CNTN5: variants seen among roughly 807,000 people sequenced by gnomAD.
The protein encoded by CNTN5 is contactin-5.
Under a neutral mutation model 129.1 loss-of-function variants are expected in CNTN5, and 77 were observed. That is an observed-to-expected ratio of 0.60 (90% CI 0.50 to 0.72). The LOEUF (loss-of-function observed/expected upper bound fraction) is 0.72. Among genes scored for constraint, CNTN5 ranks in the 30% least tolerant of loss-of-function variants. The pLI is 0.00. For synonymous variants in CNTN5, 509 were observed against 465.6 expected (o/e 1.09, Z -1.20); for missense variants, 1,478 against 1,328.8 (o/e 1.11, Z -1.75).
intron 3 of CNTN5, among the ~76,000 whole-genome samples, chr11:99,699,581 G>T (rs1251321091): frequency 6.6e-6 from 1 of 151,394 alleles, no homozygotes; most frequent in Non-Finnish European, 1.5e-5. Context: ...AAAGGCTAGG[G>T]ATAAGCCAGT....
chr11:99,055,858 T>C (rs1864604675), intron 1 of CNTN5, among the ~76,000 whole-genome samples: 1 of 152,012 alleles, frequency 6.6e-6, no homozygotes, highest in South Asian at 2.1e-4. Flanking sequence ...CATTTTTGCC[T>C]TCAGGCTCCC....
chr11:99,642,959 G>C (rs1951824286), intron 3 of CNTN5, among the ~76,000 whole-genome samples: 1 of 152,136 alleles, frequency 6.6e-6, no homozygotes, highest in South Asian at 2.1e-4. Context: ...ATTCCATTGT[G>C]TATGTATACC....
At chr11:99,939,520 A>G (rs1950388032) in intron 7 of CNTN5, among the ~76,000 whole-genome samples, 1 of 152,122 alleles carries the variant, frequency 6.6e-6, no homozygotes, top group Non-Finnish European at 1.5e-5. Context: ...AAACTCTTTT[A>G]ATGCAAACTT....
At chr11:99,369,662 G>C (rs936731727) in intron 2 of CNTN5, among the ~76,000 whole-genome samples, 2 of 151,944 alleles carry the variant, frequency 1.3e-5, no homozygotes, top group Non-Finnish European at 2.9e-5. Context: ...CCAAAGTAAT[G>C]GTAGAAAGGA....
chr11:99,920,685 A>G (rs1949914780), intron 7 of CNTN5, among the ~76,000 whole-genome samples: 1 of 152,138 alleles, frequency 6.6e-6, no homozygotes, highest in Middle Eastern at 3.2e-3. Flanking sequence ...GTCCATAGAC[A>G]ACTTCTTGCT....
At chr11:100,279,910 C>CTTTTT (rs58391412) in intron 18 of CNTN5, among the ~76,000 whole-genome samples, 17 of 114,646 alleles carry the variant, frequency 1.5e-4, no homozygotes, top group East Asian at 2.6e-4. Context: ...TTTTCTTTTT[C>CTTTTT]TTTTTTTTTT....
At chr11:99,736,126 C>A (rs1322195324) in intron 3 of CNTN5, among the ~76,000 whole-genome samples, 1 of 151,626 alleles carries the variant, frequency 6.6e-6, no homozygotes, top group South Asian at 2.1e-4. Flanking sequence ...TTCTTTTGAG[C>A]GTGGGACAAA....
rs144259683 is a variant in CNTN5, at chr11:99,814,676, G to T, written c.56-4868G>T. ...GAACTTTAACCTGGAAATGGAGGGA[G>T]TTGAGGAAATGAGAGCAGGGTGAAA... On this transcript the variant is annotated intron_variant, in intron 3 of 24. Coordinates refer to ENST00000524871, the MANE Select transcript of CNTN5 (RefSeq NM_014361.4). Among the ~76,000 whole-genome samples the T allele has an allele frequency of 3.9e-3, 597 of 152,234 alleles. 4 individuals carry two copies. The highest frequency in any genetic ancestry group is 0.013 in the African/African-American group (533 of 41,544).
chr11:99,460,694 C>A (rs548374838), intron 2 of CNTN5, among the ~76,000 whole-genome samples: 1 of 151,846 alleles, frequency 6.6e-6, no homozygotes, highest in Non-Finnish European at 1.5e-5. Flanking sequence ...AATATAAGAA[C>A]CAGTGATTTT....
chr11:99,556,593 A>ATATATG (rs1555026456), intron 3 of CNTN5, among the ~76,000 whole-genome samples: 2 of 135,338 alleles, frequency 1.5e-5, no homozygotes, highest in African/African-American at 5.4e-5. Context: ...ATATATATAT[A>ATATATG]TCTCCCACAC....
rs570674236 is a variant in CNTN5 at position 99,277,870 on chromosome 11, A to G, written c.-209-47476A>G. ...TTCTACAGAAGTATTTGTAAAACCA[A>G]GACAGGGTTTACAAAATTCCCTGGA... On this transcript the variant is annotated intron_variant, in intron 1 of 24. Transcript: ENST00000524871. 5.3e-5 allele frequency among the ~76,000 whole-genome samples: 8 copies of G among 151,834 alleles called. No individual in the cohort carries two copies. In the South Asian group the frequency reaches 1.5e-3, roughly 28 times the overall value.
intron 2 of CNTN5, among the ~76,000 whole-genome samples, chr11:99,407,095 T>C (rs1320727934): frequency 6.6e-6 from 1 of 152,158 alleles, no homozygotes; most frequent in Non-Finnish European, 1.5e-5. Context: ...CTTTACTTTT[T>C]TCCCTCTGAT....
At chr11:100,272,680 G>A (rs1183717866) in intron 18 of CNTN5, among the ~76,000 whole-genome samples, 1 of 152,148 alleles carries the variant, frequency 6.6e-6, no homozygotes, top group African/African-American at 2.4e-5. Flanking sequence ...CACAGAGGTT[G>A]GGCTGATTGG....
At chr11:99,524,484 A>T (rs1006426674) in intron 2 of CNTN5, among the ~76,000 whole-genome samples, 3 of 152,158 alleles carry the variant, frequency 2.0e-5, no homozygotes, top group South Asian at 2.1e-4. Flanking sequence ...TGTACAGCGA[A>T]ATCATGAAAT....
intron 13 of CNTN5, among the ~76,000 whole-genome samples, chr11:100,173,427 A>G (rs541831330): frequency 6.6e-5 from 10 of 152,252 alleles, no homozygotes; most frequent in Non-Finnish European, 1.2e-4. Context: ...AGACTTGCCG[A>G]TTAGCTCTTG....
intron 2 of CNTN5, among the ~76,000 whole-genome samples, chr11:99,509,224 G>A (rs896801743): frequency 4.6e-5 from 7 of 152,102 alleles, no homozygotes; most frequent in Non-Finnish European, 1.0e-4. Flanking sequence ...GCTCATCCCT[G>A]TGTTCTTTAG....
chr11:99,730,143 C>T (rs556148995), intron 3 of CNTN5, among the ~76,000 whole-genome samples: 1 of 152,184 alleles, frequency 6.6e-6, no homozygotes, highest in Non-Finnish European at 1.5e-5. Flanking sequence ...CCATCCAGTA[C>T]TTACTTATAT....
intron 18 of CNTN5, among the ~76,000 whole-genome samples, chr11:100,282,270 G>A (rs4323835): frequency 0.012 from 1,778 of 152,246 alleles, 31 homozygotes; most frequent in African/African-American, 0.041. Flanking sequence ...AAGGACTTGC[G>A]TATTGTTATC....
intron 9 of CNTN5, among the ~76,000 whole-genome samples, chr11:100,054,953 A>AAG (rs1555186700): frequency 1.3e-5 from 2 of 148,868 alleles, no homozygotes; most frequent in Non-Finnish European, 3.0e-5. Flanking sequence ...CTGCCCAACA[A>AAG]AAGAGTAGAG....
Sources: allele counts gnomAD v4.1 joint callset (sites outside exome capture counted in the v4.1 genomes callset), GRCh38; gene constraint gnomAD v4.1.1; transcripts MANE v1.5; gene names NCBI Gene and HGNC (gene_info 2026-07-23, HGNC 2026-07-21).